NRXN3: variants seen among roughly 807,000 people sequenced by gnomAD.
NRXN3 encodes the protein neurexin 3, also known as neurexin III.
NRXN3 carries 32 observed loss-of-function variants against 137.6 expected under a neutral mutation model. That is an observed-to-expected ratio of 0.23 (90% CI 0.18 to 0.31). NRXN3 has a LOEUF of 0.31. Ranked by LOEUF, NRXN3 falls within the 10% of genes least tolerant of loss-of-function variation. The pLI, the probability that NRXN3 is intolerant of heterozygous loss-of-function variation, is 1.00. For synonymous variants in NRXN3, 798 were observed against 784.5 expected, an observed-to-expected ratio of 1.02 and a Z score of -0.29; for missense variants, 1,574 against 2,062.5, an observed-to-expected ratio of 0.76 and a Z score of 4.59.
At chr14:78,810,854 G>A (rs1472841045) in intron 10 of NRXN3, among the ~76,000 whole-genome samples, 4 of 152,136 alleles carry the variant, frequency 2.6e-5, no homozygotes, top group East Asian at 1.9e-4. Flanking sequence ...TGGTGATAAG[G>A]CAACACTTTA....
chr14:78,598,381 A>AGAGAGG (rs1555390575), intron 4 of NRXN3, among the ~76,000 whole-genome samples: 2 of 152,022 alleles, frequency 1.3e-5, no homozygotes, highest in South Asian at 2.1e-4. Flanking sequence ...AGAGAGAGAG[A>AGAGAGG]GAGGGAGGGA....
Position 79,193,822 on chromosome 14 carries a change from T to C in NRXN3, c.3262+205681T>C, listed in dbSNP as rs548106025. On this transcript the variant is annotated intron_variant, in intron 15 of 20. Transcript: ENST00000335750. ...TTTCTAATGTGTTTTTCTTGAATGA[T>C]AGCATCTTGAATTTCCTACAAAGTA... Among the ~76,000 whole-genome samples the C allele has an allele frequency of 2.0e-5, 3 of 152,362 alleles. No homozygotes were observed. In the South Asian group the frequency reaches 6.2e-4, roughly 32 times the overall value.
At chr14:78,802,147 G>A (rs17757599) in intron 8 of NRXN3, among the ~76,000 whole-genome samples, 4,276 of 152,274 alleles carry the variant, frequency 0.028, 94 homozygotes, top group Middle Eastern at 0.044. Context: ...TATTTGCCTA[G>A]TGAATATTTA....
intron 15 of NRXN3, among the ~76,000 whole-genome samples, chr14:79,431,744 C>T (rs1276276362): frequency 6.6e-6 from 1 of 152,006 alleles, no homozygotes. Flanking sequence ...TTAAAATGAA[C>T]CTGCCTTACT....
intron 4 of NRXN3, among the ~76,000 whole-genome samples, chr14:78,351,236 A>G (rs1008114161): frequency 3.3e-5 from 5 of 152,212 alleles, no homozygotes; most frequent in African/African-American, 1.2e-4. Context: ...ATCAATAAAT[A>G]TACTACATTC....
chr14:79,588,211 G>T (rs2097776687), intron 16 of NRXN3, among the ~76,000 whole-genome samples: 3 of 152,204 alleles, frequency 2.0e-5, no homozygotes, highest in Admixed American at 1.3e-4. Context: ...TGGGCACAAT[G>T]TCTCTCTAAT....
intron 16 of NRXN3, among the ~76,000 whole-genome samples, chr14:79,599,142 A>G (rs183911040): frequency 5.3e-5 from 8 of 152,246 alleles, no homozygotes; most frequent in Non-Finnish European, 7.4e-5. Context: ...CCAACCTCCA[A>G]TTTCTGACTG....
At chr14:79,432,950 G>T (rs189480856) in intron 15 of NRXN3, among the ~76,000 whole-genome samples, 26 of 152,152 alleles carry the variant, frequency 1.7e-4, no homozygotes, top group Non-Finnish European at 3.5e-4. Flanking sequence ...TGTGTGTCTT[G>T]GGTGCCTGAA....
intron 15 of NRXN3, among the ~76,000 whole-genome samples, chr14:79,127,390 A>C (rs1295992634): frequency 6.6e-6 from 1 of 152,106 alleles, no homozygotes; most frequent in African/African-American, 2.4e-5. Flanking sequence ...AGCTTTCTAC[A>C]TATGGCTAGC....
intron 19 of NRXN3, among the ~76,000 whole-genome samples, chr14:79,733,789 G>T (rs1467835083): frequency 6.6e-6 from 1 of 151,932 alleles, no homozygotes; most frequent in East Asian, 1.9e-4. Context: ...ATATGCAAGA[G>T]GGTAGAAAAA....
intron 15 of NRXN3, among the ~76,000 whole-genome samples, chr14:79,301,364 G>T (rs2085106499): frequency 6.6e-6 from 1 of 151,986 alleles, no homozygotes; most frequent in Non-Finnish European, 1.5e-5. Context: ...GATTTCATCG[G>T]CAGCTGTCTT....
chr14:79,119,805 T>C (rs75068752), intron 15 of NRXN3, among the ~76,000 whole-genome samples: 4,341 of 152,272 alleles, frequency 0.029, 204 homozygotes, highest in African/African-American at 0.099. Flanking sequence ...TATTTACTGT[T>C]TTCTACTTAT....
chr14:79,131,524 A>G (rs2057474907), intron 15 of NRXN3, among the ~76,000 whole-genome samples: 1 of 152,226 alleles, frequency 6.6e-6, no homozygotes, highest in Non-Finnish European at 1.5e-5. Flanking sequence ...TTGAGGGGGC[A>G]GTCTGCCCGT....
rs548431552 is a variant in NRXN3, at chr14:79,041,037, C to T, written c.3262+52896C>T. ...TCAGCCAAGGACCCACCCTAACTGC[C>T]TGCCTGACCACTTTCTTCCTTTCTC... On this transcript the variant is annotated intron_variant, in intron 15 of 20. Coordinates refer to ENST00000335750, the MANE Select transcript of NRXN3 (RefSeq NM_001330195.2). Among the ~76,000 whole-genome samples, 7 of 152,256 alleles carry T rather than the reference C, an allele frequency of 4.6e-5. No individual in the cohort carries two copies. In the Middle Eastern group the frequency reaches 0.017, roughly 370 times the overall value.
At chr14:79,653,813 A>C (rs1400717576) in intron 16 of NRXN3, among the ~76,000 whole-genome samples, 2 of 152,162 alleles carry the variant, frequency 1.3e-5, no homozygotes, top group Non-Finnish European at 1.5e-5. Flanking sequence ...GAACACCCCC[A>C]CACACAAGTC....
At chr14:78,934,559 A>T (rs572018439) in intron 10 of NRXN3, among the ~76,000 whole-genome samples, 1 of 152,170 alleles carries the variant, frequency 6.6e-6, no homozygotes, top group African/African-American at 2.4e-5. Context: ...CGATGCCTTT[A>T]CTCCAGGTGC....
intron 16 of NRXN3, among the ~76,000 whole-genome samples, chr14:79,532,364 T>G (rs994227057): frequency 1.3e-5 from 2 of 152,224 alleles, no homozygotes; most frequent in Non-Finnish European, 2.9e-5. Context: ...ACAAAAGCAC[T>G]ATGCTACTCT....
chr14:78,303,907 T>C (rs543027849), intron 4 of NRXN3, among the ~76,000 whole-genome samples: 1 of 152,286 alleles, frequency 6.6e-6, no homozygotes, highest in African/African-American at 2.4e-5. Flanking sequence ...ACTTGTGTCT[T>C]TGCCCTCTCT....
chr14:79,132,346 A>G (rs1400222317), intron 15 of NRXN3, among the ~76,000 whole-genome samples: 2 of 152,230 alleles, frequency 1.3e-5, no homozygotes, highest in African/African-American at 4.8e-5. Flanking sequence ...TCTAGTAAAA[A>G]CAGTGTCAGA....
Sources: gnomAD v4.1 joint callset for allele counts (sites outside exome capture counted in the v4.1 genomes callset) on GRCh38, gnomAD v4.1.1 for gene constraint, MANE v1.5 for transcripts, NCBI Gene and HGNC (gene_info 2026-07-23, HGNC 2026-07-21) for gene names.